Variants in PTPRN2 observed in about 807,000 individuals in gnomAD.
The protein encoded by PTPRN2 is protein tyrosine phosphatase receptor type N2.
Under a neutral mutation model 118.8 loss-of-function variants are expected in PTPRN2, and 74 were observed. The ratio of observed to expected loss-of-function variants is 0.62; its 90% CI spans 0.52 to 0.76. The LOEUF (loss-of-function observed/expected upper bound fraction) is 0.76, where lower values mean the gene tolerates loss of function less well. Among genes scored for constraint, PTPRN2 ranks in the 30% least tolerant of loss-of-function variants. The pLI, the probability that PTPRN2 is intolerant of heterozygous loss-of-function variation, is 0.00. For synonymous variants in PTPRN2, 641 were observed against 608.0 expected (o/e 1.05, Z -0.80); for missense variants, 1,481 against 1,394.4 (o/e 1.06, Z -0.99).
At chr7:158,379,036 G>C (rs1161729997) in intron 2 of PTPRN2, among the ~76,000 whole-genome samples, 1 of 152,158 alleles carries the variant, frequency 6.6e-6, no homozygotes, top group Non-Finnish European at 1.5e-5. Context: ...GCTCCCTGCA[G>C]GGTGAGGCAG....
intron 1 of PTPRN2, chr7:158,532,732 C>G (rs1344594643): frequency 3.7e-6 from 2 of 534,714 alleles, no homozygotes; most frequent in South Asian, 2.8e-5. Flanking sequence ...GCGCTTCCTC[C>G]AGACACACCA....
At chr7:157,753,047 G>A (rs1801575372) in intron 12 of PTPRN2, among the ~76,000 whole-genome samples, 1 of 152,236 alleles carries the variant, frequency 6.6e-6, no homozygotes, top group African/African-American at 2.4e-5. Context: ...CCAAGGGGCA[G>A]GAACTAACTG....
intron 2 of PTPRN2, among the ~76,000 whole-genome samples, chr7:158,431,008 C>A (rs1027937573): frequency 6.6e-6 from 1 of 152,196 alleles, no homozygotes; most frequent in African/African-American, 2.4e-5. Context: ...AGCTGGCTAA[C>A]GAGGACCACC....
chr7:157,867,900 G>A (rs531083429), intron 12 of PTPRN2, among the ~76,000 whole-genome samples: 1 of 152,128 alleles, frequency 6.6e-6, no homozygotes, highest in Admixed American at 6.5e-5. Flanking sequence ...TGGTGGAGGT[G>A]TGCCCAGGCC....
At chr7:158,319,416 TCCCA>T (rs1802637183) in intron 2 of PTPRN2, among the ~76,000 whole-genome samples, 1 of 66,214 alleles carries the variant, frequency 1.5e-5, no homozygotes, top group East Asian at 4.3e-4. Flanking sequence ...ACACACAGCC[TCCCA>T]CACACACACA....
intron 10 of PTPRN2, among the ~76,000 whole-genome samples, chr7:158,086,759 G>A (rs1243802684): frequency 6.6e-6 from 1 of 152,200 alleles, no homozygotes; most frequent in Non-Finnish European, 1.5e-5. Flanking sequence ...GTGTGTGCAG[G>A]AATGACTTTG....
intron 5 of PTPRN2, among the ~76,000 whole-genome samples, chr7:158,183,487 G>T (rs1246343162): frequency 6.6e-6 from 1 of 152,178 alleles, no homozygotes; most frequent in East Asian, 1.9e-4. Context: ...GCAAATTTCA[G>T]TTGGGAGCTT....
chr7:157,647,117 A>G lies in PTPRN2; in HGVS notation c.2196+9240T>C, dbSNP rs377216188. On this transcript the variant is annotated intron_variant, in intron 14 of 22. Transcript: ENST00000389418. ...ACTCGGTGGGTCAGACCCATCCAGC[A>G]TGCACTGAACTTGGTGGGTCGGACC... Among the ~76,000 whole-genome samples the G allele has an allele frequency of 2.1e-3, 119 of 55,586 alleles. 1 individual carries two copies. Among genetic ancestry groups the G allele is most frequent in the South Asian group, 4.7e-3 (6 of 1,290 alleles). The allele number at this position is 55,586 out of a possible 152,430, so 36.5% of individuals were successfully genotyped here.
rs1804807568 is a variant in PTPRN2, at chr7:157,643,111, G to C, written c.2196+13246C>G. On this transcript the variant is annotated intron_variant, in intron 14 of 22. Transcript: ENST00000389418. ...AGTCAAAAATGCACTTTCAACTTAC[G>C]ATGGGTTTGTTGGGACATAACCCAC... is the stretch of plus-strand genomic sequence containing the variant. Among the ~76,000 whole-genome samples the C allele has an allele frequency of 2.0e-5, 3 of 152,302 alleles. No homozygotes were observed. The South Asian group carries it at 6.2e-4, about 32-fold the overall frequency.
chr7:157,906,444 A>G (rs547884253), intron 11 of PTPRN2, among the ~76,000 whole-genome samples: 1 of 152,286 alleles, frequency 6.6e-6, no homozygotes, highest in East Asian at 1.9e-4. Flanking sequence ...CTCTTTCCCC[A>G]TGTCGTTTTC....
At chr7:157,877,653 G>A (rs935247048) in intron 12 of PTPRN2, among the ~76,000 whole-genome samples, 1 of 152,198 alleles carries the variant, frequency 6.6e-6, no homozygotes, top group African/African-American at 2.4e-5. Flanking sequence ...ATCAAAGCCC[G>A]GGTCTTGGTG....
At position 157,656,563 on chromosome 7, in the gene PTPRN2, G is replaced by C. The variant is rs1347553141; in HGVS notation, c.2002-12C>G. 1.3e-6 allele frequency: 2 copies of C among 1,528,872 alleles called. No homozygotes were observed. Among genetic ancestry groups the C allele is most frequent in the African/African-American group, 2.7e-5 (2 of 72,948 alleles). 94.7% of individuals were successfully genotyped at this position (1,528,872 alleles called of 1,614,324 possible). On this transcript the variant is annotated splice_polypyrimidine_tract_variant and intron_variant, in intron 13 of 22. Coordinates refer to ENST00000389418, the MANE Select transcript of PTPRN2 (RefSeq NM_002847.5). Reference sequence around the variant, plus strand: ...TGGCGGCACAGCTCCTGCAGGACAGGGGGAGGAAGAGCAGGGGGTTAGTGG... The same window carrying C: ...TGGCGGCACAGCTCCTGCAGGACAGCGGGAGGAAGAGCAGGGGGTTAGTGG...
intron 5 of PTPRN2, among the ~76,000 whole-genome samples, chr7:158,174,696 C>T (rs1041598754): frequency 6.6e-6 from 1 of 152,120 alleles, no homozygotes; most frequent in Non-Finnish European, 1.5e-5. Context: ...CATTAACAAC[C>T]GTAATTGAAA....
intron 12 of PTPRN2, among the ~76,000 whole-genome samples, chr7:157,890,600 C>G (rs1470336732): frequency 6.6e-6 from 1 of 152,200 alleles, no homozygotes; most frequent in African/African-American, 2.4e-5. Flanking sequence ...TGAGATTGCG[C>G]CACTGCACTC....
chr7:158,470,351 T>C (rs1439554264), intron 2 of PTPRN2, among the ~76,000 whole-genome samples: 1 of 152,226 alleles, frequency 6.6e-6, no homozygotes. Context: ...TTTCTGCATC[T>C]TTCCAGAATC....
At chr7:158,067,203 G>A (rs748159713) in intron 11 of PTPRN2, among the ~76,000 whole-genome samples, 2 of 152,252 alleles carry the variant, frequency 1.3e-5, no homozygotes, top group Non-Finnish European at 2.9e-5. Flanking sequence ...TGATAATGCT[G>A]TTGCAATGCT....
At chr7:158,194,801 A>T (rs540401765) in intron 4 of PTPRN2, among the ~76,000 whole-genome samples, 18 of 152,362 alleles carry the variant, frequency 1.2e-4, no homozygotes, top group African/African-American at 4.1e-4. Context: ...GATAGTGTAT[A>T]ACTGTCACGT....
chr7:158,149,952 A>G (rs995564555), intron 6 of PTPRN2, among the ~76,000 whole-genome samples: 1 of 152,226 alleles, frequency 6.6e-6, no homozygotes, highest in African/African-American at 2.4e-5. Flanking sequence ...TATGAAAAAT[A>G]AAAATAGAAA....
In PTPRN2 at chr7:158,518,009, C is replaced by G. The variant is rs187745782; in HGVS notation, c.113-28224G>C. Among the ~76,000 whole-genome samples the G allele has an allele frequency of 1.3e-4, 20 of 152,340 alleles. No homozygotes were observed. In the East Asian group the frequency reaches 3.1e-3, roughly 23 times the overall value. On this transcript the variant is annotated intron_variant, in intron 1 of 22. Coordinates refer to ENST00000389418, the MANE Select transcript of PTPRN2 (RefSeq NM_002847.5). ...GGGCGGGGCACCCCTGCAACATTCT[C>G]CCAGCTCCCTGGACTCTCCCTGGCC...
Sources: allele counts gnomAD v4.1 joint callset (sites outside exome capture counted in the v4.1 genomes callset), GRCh38; gene constraint gnomAD v4.1.1; transcripts MANE v1.5; gene names NCBI Gene and HGNC (gene_info 2026-07-23, HGNC 2026-07-21).